The following PKNOX2 variants were observed in gnomAD, a reference collection of about 807,000 sequenced individuals.
The protein encoded by PKNOX2 is PBX/knotted 1 homeobox 2.
Under a neutral mutation model 53.1 loss-of-function variants are expected in PKNOX2, and 14 were observed. The observed-to-expected ratio is 0.26, with a 90% confidence interval of 0.17 to 0.41. The LOEUF (loss-of-function observed/expected upper bound fraction) is 0.41. PKNOX2 is among the 10% of genes least tolerant of loss of function. The pLI, the probability that PKNOX2 is intolerant of heterozygous loss-of-function variation, is 1.00. For synonymous variants in PKNOX2, 257 were observed against 242.8 expected (o/e 1.06, Z -0.54); for missense variants, 496 against 602.8 (o/e 0.82, Z 1.85).
chr11:125,165,629 C>T lies in PKNOX2; in HGVS notation c.-201+853C>T, dbSNP rs1283510740. Among the ~76,000 whole-genome samples, 1 of 152,136 alleles carries T rather than the reference C, an allele frequency of 6.6e-6. No individual in the cohort carries two copies. The highest frequency in any genetic ancestry group is 2.4e-5 in the African/African-American group (1 of 41,446). On this transcript the variant is annotated intron_variant, in intron 1 of 12. Coordinates refer to ENST00000298282, the MANE Select transcript of PKNOX2 (RefSeq NM_001382323.2). This position sits in a 1 kb window ranked among gnomAD's most constrained non-coding sequence, Gnocchi z 4.5. ...CCGGCGGGGCCCGGGAAGCCAGGAT[C>T]CGAGGGGCTACACGCACGGACCCTC...
At chr11:125,274,680 G>A (rs775549601) in intron 2 of PKNOX2, among the ~76,000 whole-genome samples, 4 of 152,152 alleles carry the variant, frequency 2.6e-5, no homozygotes, top group South Asian at 2.1e-4. Flanking sequence ...AGGCCAGGAC[G>A]CTGGGCCATG....
At chr11:125,238,440 CTA>C (rs1942904698) in intron 2 of PKNOX2, among the ~76,000 whole-genome samples, 1 of 152,152 alleles carries the variant, frequency 6.6e-6, no homozygotes, top group South Asian at 2.1e-4. Context: ...GTTATTATCT[CTA>C]TTACAGAAGA....
intron 1 of PKNOX2, among the ~76,000 whole-genome samples, chr11:125,224,547 T>C (rs528589501): frequency 1.3e-5 from 2 of 152,304 alleles, no homozygotes; most frequent in East Asian, 1.9e-4. Flanking sequence ...TATGGTGAAA[T>C]CAGGCCTCCC....
chr11:125,293,058 G>T (rs1947408489), intron 2 of PKNOX2, among the ~76,000 whole-genome samples: 1 of 152,120 alleles, frequency 6.6e-6, no homozygotes, highest in African/African-American at 2.4e-5. Flanking sequence ...TGCCATTTAT[G>T]TCAAAACCAC....
intron 6 of PKNOX2, 152 bp from the exon 7 acceptor site, chr11:125,397,722 C>T: frequency 1.3e-6 from 1 of 744,484 alleles, no homozygotes; most frequent in Non-Finnish European, 2.2e-6. Context: ...CCGCCTACCA[C>T]TTCTGGGCCT....
At chr11:125,314,182 T>G (rs1455742226) in intron 2 of PKNOX2, among the ~76,000 whole-genome samples, 1 of 152,038 alleles carries the variant, frequency 6.6e-6, no homozygotes, top group African/African-American at 2.4e-5. Flanking sequence ...ACCTTCCAGT[T>G]GGAGAATTTG....
chr11:125,299,167 A>T (rs914730860), intron 2 of PKNOX2, among the ~76,000 whole-genome samples: 3 of 152,128 alleles, frequency 2.0e-5, no homozygotes, highest in African/African-American at 7.2e-5. Context: ...TTACACAAGC[A>T]GCTCTTGAGT....
intron 10 of PKNOX2, among the ~76,000 whole-genome samples, chr11:125,428,183 GA>G (rs1214878692): frequency 6.6e-6 from 1 of 152,198 alleles, no homozygotes; most frequent in Non-Finnish European, 1.5e-5. Flanking sequence ...GAGGGAGACA[GA>G]TGCGTAGTCA....
rs1358371944 is a variant in PKNOX2 at position 125,165,687 on chromosome 11, C to T, written c.-201+911C>T. Among the ~76,000 whole-genome samples, 1 of 152,160 alleles carries T rather than the reference C, an allele frequency of 6.6e-6. No individual in the cohort carries two copies. The highest frequency in any genetic ancestry group is 1.5e-5 in the Non-Finnish European group (1 of 68,028). On this transcript the variant is annotated intron_variant, in intron 1 of 12. Coordinates refer to ENST00000298282, the MANE Select transcript of PKNOX2 (RefSeq NM_001382323.2). The surrounding 1 kb of genome is among the most constrained non-coding windows in gnomAD (Gnocchi z 4.5). Reference sequence around the variant, plus strand: ...GAGGAGCGAGAATGTGTAGGGTCACCGGCTTTCCATGATTGCTGGGGATCT... The same window carrying T: ...GAGGAGCGAGAATGTGTAGGGTCACTGGCTTTCCATGATTGCTGGGGATCT...
intron 2 of PKNOX2, among the ~76,000 whole-genome samples, chr11:125,241,678 A>C (rs1943157640): frequency 6.6e-6 from 1 of 152,182 alleles, no homozygotes; most frequent in Admixed American, 6.5e-5. Flanking sequence ...AACATGGTGA[A>C]ACCCTGTCTC....
At chr11:125,326,951 G>A (rs73621085) in intron 2 of PKNOX2, among the ~76,000 whole-genome samples, 2,694 of 152,306 alleles carry the variant, frequency 0.018, 83 homozygotes, top group African/African-American at 0.061. Flanking sequence ...GACTGCTGGC[G>A]TGTCCGTGTA....
At chr11:125,405,552 C>T (rs917724587) in intron 7 of PKNOX2, among the ~76,000 whole-genome samples, 1 of 152,202 alleles carries the variant, frequency 6.6e-6, no homozygotes, top group African/African-American at 2.4e-5. Context: ...TTAGTAAGGC[C>T]TTCCTTTGGA....
chr11:125,360,667 C>T (rs537171733), intron 4 of PKNOX2, among the ~76,000 whole-genome samples: 1 of 152,308 alleles, frequency 6.6e-6, no homozygotes, highest in East Asian at 1.9e-4. Flanking sequence ...GGGTGGCACC[C>T]ACACTGGTAG....
intron 1 of PKNOX2, among the ~76,000 whole-genome samples, chr11:125,211,976 C>T (rs1565470454): frequency 6.6e-6 from 1 of 152,084 alleles, no homozygotes; most frequent in East Asian, 1.9e-4. Flanking sequence ...TTGCCTTTTC[C>T]TTTAAGAAAA....
intron 2 of PKNOX2, among the ~76,000 whole-genome samples, chr11:125,264,360 C>T (rs1455746151): frequency 6.6e-6 from 1 of 152,184 alleles, no homozygotes. Flanking sequence ...GAATGCAGCT[C>T]AGGCTATGGT....
intron 1 of PKNOX2, among the ~76,000 whole-genome samples, chr11:125,197,374 G>A (rs1230056225): frequency 1.3e-5 from 2 of 152,176 alleles, no homozygotes; most frequent in African/African-American, 4.8e-5. Context: ...GCCCACCCAG[G>A]TCCTCTCAGC....
chr11:125,195,769 A>G (rs948844847), intron 1 of PKNOX2, among the ~76,000 whole-genome samples: 16 of 152,068 alleles, frequency 1.1e-4, no homozygotes, highest in Non-Finnish European at 1.5e-5. Context: ...AATGCCTGAT[A>G]ATTTCTCCAA....
chr11:125,311,945 A>G (rs140709866), intron 2 of PKNOX2, among the ~76,000 whole-genome samples: 3 of 152,284 alleles, frequency 2.0e-5, no homozygotes, highest in South Asian at 4.1e-4. Flanking sequence ...GGTGGAGGTT[A>G]CAGTGAGCGA....
chr11:125,199,266 T>C (rs1356913543), intron 1 of PKNOX2, among the ~76,000 whole-genome samples: 3 of 152,082 alleles, frequency 2.0e-5, no homozygotes, highest in African/African-American at 7.2e-5. Flanking sequence ...CTCCCCAAGC[T>C]CCTAGACTGC....
Sources: allele counts gnomAD v4.1 joint callset (sites outside exome capture counted in the v4.1 genomes callset), GRCh38; gene constraint gnomAD v4.1.1; non-coding constraint Gnocchi (gnomAD v3.1); transcripts MANE v1.5; gene names NCBI Gene and HGNC (gene_info 2026-07-23, HGNC 2026-07-21).